Variants in SLC24A2 observed in about 807,000 individuals in gnomAD.
SLC24A2 encodes solute carrier family 24 member 2.
SLC24A2 carries 36 observed loss-of-function variants against 62.0 expected under a neutral mutation model. The ratio of observed to expected loss-of-function variants is 0.58; its 90% CI spans 0.44 to 0.77. The LOEUF (loss-of-function observed/expected upper bound fraction) is 0.77, where lower values mean the gene tolerates loss of function less well. Among genes scored for constraint, SLC24A2 ranks in the 30% least tolerant of loss-of-function variants. The probability of loss-of-function intolerance (pLI) is 0.00; values close to 1 mark genes in which losing one functional copy is unlikely to be tolerated. For missense variants in SLC24A2, 846 were observed against 817.9 expected (o/e 1.03, Z -0.42); for synonymous variants, 358 against 294.0 (o/e 1.22, Z -2.23).
intron 4 of SLC24A2, among the ~76,000 whole-genome samples, chr9:19,614,449 C>T (rs1294726256): frequency 6.6e-6 from 1 of 152,174 alleles, no homozygotes; most frequent in Non-Finnish European, 1.5e-5. Context: ...CCAGAGCACA[C>T]CAAGGAACAA....
At chr9:20,286,844 C>T in the SLC24A2 span, among the ~76,000 whole-genome samples, 2 of 152,202 alleles carry the variant, frequency 1.3e-5, no homozygotes, top group African/African-American at 2.4e-5. Flanking sequence ...GGATGCTTAA[C>T]TTGTCCAAGG....
At chr9:19,862,954 A>C in the SLC24A2 span, among the ~76,000 whole-genome samples, 2 of 152,028 alleles carry the variant, frequency 1.3e-5, no homozygotes, top group African/African-American at 4.8e-5. Flanking sequence ...GCCACAAATC[A>C]ACCAGAAAAT....
chr9:19,822,533 A>G, the SLC24A2 span, among the ~76,000 whole-genome samples: 5 of 152,106 alleles, frequency 3.3e-5, no homozygotes, highest in Non-Finnish European at 5.9e-5. Flanking sequence ...GTGAATCTAA[A>G]GGTTTATCTT....
At chr9:19,663,675 A>G (rs1238847820) in intron 2 of SLC24A2, among the ~76,000 whole-genome samples, 2 of 152,164 alleles carry the variant, frequency 1.3e-5, no homozygotes, top group African/African-American at 2.4e-5. Flanking sequence ...TGTTTCTGCA[A>G]TGATGCTTTC....
the SLC24A2 span, among the ~76,000 whole-genome samples, chr9:20,066,961 A>T: frequency 7.2e-5 from 11 of 152,326 alleles, no homozygotes; most frequent in African/African-American, 2.4e-4. Flanking sequence ...CATTCACATA[A>T]TTCCAACCCA....
chr9:19,636,372 TTTC>T (rs1564009975), intron 2 of SLC24A2, among the ~76,000 whole-genome samples: 1 of 30,008 alleles, frequency 3.3e-5, no homozygotes, highest in African/African-American at 1.5e-4. Flanking sequence ...TCTTTCTTTC[TTTC>T]TTTCTTTCTT....
At chr9:19,558,356 T>A (rs993890462) in intron 7 of SLC24A2, among the ~76,000 whole-genome samples, 1 of 152,088 alleles carries the variant, frequency 6.6e-6, no homozygotes, top group Non-Finnish European at 1.5e-5. Flanking sequence ...ACCTCAAATA[T>A]AAGTTAGGAA....
At chr9:20,078,674 C>A in the SLC24A2 span, among the ~76,000 whole-genome samples, 1 of 152,180 alleles carries the variant, frequency 6.6e-6, no homozygotes, top group Non-Finnish European at 1.5e-5. Flanking sequence ...CTAAGCTGGG[C>A]AACCATCCTC....
the SLC24A2 span, among the ~76,000 whole-genome samples, chr9:20,268,848 T>C: frequency 6.6e-5 from 10 of 152,228 alleles, no homozygotes; most frequent in African/African-American, 2.2e-4. Context: ...CCAAAATAAA[T>C]GGTATGTGTG....
intron 10 of SLC24A2, among the ~76,000 whole-genome samples, chr9:19,517,456 G>T (rs1395678876): frequency 1.3e-5 from 2 of 152,138 alleles, no homozygotes; most frequent in Non-Finnish European, 2.9e-5. Context: ...AGGGTGAAAG[G>T]GGCAGTGAGT....
chr9:20,078,198 T>G, the SLC24A2 span, among the ~76,000 whole-genome samples: 2 of 152,174 alleles, frequency 1.3e-5, no homozygotes, highest in African/African-American at 4.8e-5. Flanking sequence ...TGCCAGACTG[T>G]GCACTCCATA....
At chr9:20,039,979 T>C in the SLC24A2 span, among the ~76,000 whole-genome samples, 1 of 152,226 alleles carries the variant, frequency 6.6e-6, no homozygotes, top group South Asian at 2.1e-4. Flanking sequence ...TCTTTTCCGT[T>C]TCCCAGCTCT....
chr9:20,226,514 C>T, the SLC24A2 span, among the ~76,000 whole-genome samples: 4 of 152,106 alleles, frequency 2.6e-5, no homozygotes, highest in African/African-American at 9.7e-5. Flanking sequence ...GGTTGTGACC[C>T]TGAGTAGTCT....
chr9:20,284,034 G>C, the SLC24A2 span, among the ~76,000 whole-genome samples: 1 of 152,014 alleles, frequency 6.6e-6, no homozygotes, highest in African/African-American at 2.4e-5. Context: ...ATGTTAACAG[G>C]TGTGGACCAT....
chr9:19,651,885 A>G (rs1253313884), intron 2 of SLC24A2, among the ~76,000 whole-genome samples: 1 of 152,074 alleles, frequency 6.6e-6, no homozygotes. Flanking sequence ...GCGCTCTTAT[A>G]ACTCAGTTTT....
intron 2 of SLC24A2, among the ~76,000 whole-genome samples, chr9:19,774,872 A>C (rs947756376): frequency 6.6e-6 from 1 of 152,182 alleles, no homozygotes; most frequent in Non-Finnish European, 1.5e-5. Context: ...TGACCTAACT[A>C]TCTCTTCTGT....
At chr9:19,686,945 T>C (rs1325320534) in intron 2 of SLC24A2, among the ~76,000 whole-genome samples, 1 of 152,100 alleles carries the variant, frequency 6.6e-6, no homozygotes, top group Non-Finnish European at 1.5e-5. Context: ...TGGAATACCA[T>C]GCAGCCATAA....
chr9:20,155,591 A>G, the SLC24A2 span, among the ~76,000 whole-genome samples: 1 of 151,978 alleles, frequency 6.6e-6, no homozygotes, highest in East Asian at 1.9e-4. Context: ...TGAAAGAAAT[A>G]TTTAATAAAC....
At chr9:20,130,603 A>T in the SLC24A2 span, among the ~76,000 whole-genome samples, 18 of 152,238 alleles carry the variant, frequency 1.2e-4, no homozygotes, top group East Asian at 3.1e-3. Flanking sequence ...AAATGTAGGA[A>T]ATAGGAAATG....
Sources: gnomAD v4.1 joint callset for allele counts (sites outside exome capture counted in the v4.1 genomes callset) on GRCh38, gnomAD v4.1.1 for gene constraint, MANE v1.5 for transcripts, NCBI Gene and HGNC (gene_info 2026-07-23, HGNC 2026-07-21) for gene names.